The following ASAP2 variants were observed in gnomAD, a reference collection of about 807,000 sequenced individuals.
ASAP2 encodes arf-GAP with SH3 domain, ANK repeat and PH domain-containing protein 2.
A neutral mutation model predicts 131.4 loss-of-function variants in ASAP2; 45 were observed. The observed-to-expected ratio is 0.34, with a 90% CI of 0.27 to 0.44. ASAP2 has a LOEUF of 0.44. Ranked by LOEUF, ASAP2 falls within the 20% of genes least tolerant of loss-of-function variation. The pLI is 1.00. For missense variants in ASAP2, 1,011 were observed against 1,297.0 expected (o/e 0.78, Z 3.39); for synonymous variants, 510 against 503.0 (o/e 1.01, Z -0.19).
intron 1 of ASAP2, among the ~76,000 whole-genome samples, chr2:9,273,523 G>C (rs1024513396): frequency 5.3e-5 from 8 of 152,308 alleles, no homozygotes; most frequent in Middle Eastern, 3.4e-3. Flanking sequence ...AATTCACGCA[G>C]AGCCAGCTGT....
intron 1 of ASAP2, among the ~76,000 whole-genome samples, chr2:9,266,991 A>T (rs143642854): frequency 9.3e-4 from 141 of 152,204 alleles, no homozygotes; most frequent in Middle Eastern, 3.4e-3. Flanking sequence ...TTACTCCTGA[A>T]GTTCACTTTC....
intron 2 of ASAP2, among the ~76,000 whole-genome samples, chr2:9,290,400 G>A (rs1386122602): frequency 1.3e-5 from 2 of 152,020 alleles, no homozygotes; most frequent in African/African-American, 2.4e-5. Context: ...ATTAAAGATT[G>A]GGTTTCGCCC....
intron 1 of ASAP2, among the ~76,000 whole-genome samples, chr2:9,221,790 T>G (rs1662437373): frequency 6.6e-6 from 1 of 152,076 alleles, no homozygotes; most frequent in Non-Finnish European, 1.5e-5. Flanking sequence ...TGAGCACCTT[T>G]TATTTCTTTT....
intron 1 of ASAP2, among the ~76,000 whole-genome samples, chr2:9,212,157 T>A (rs1372434102): frequency 6.6e-6 from 1 of 152,110 alleles, no homozygotes; most frequent in African/African-American, 2.4e-5. Flanking sequence ...AGTCCTTCAG[T>A]GTGCTGGGCT....
chr2:9,216,556 G>T (rs534553104), intron 1 of ASAP2, among the ~76,000 whole-genome samples: 1 of 150,336 alleles, frequency 6.7e-6, no homozygotes. Flanking sequence ...TGCCTCCCAG[G>T]TTCAAGTGAT....
intron 1 of ASAP2, among the ~76,000 whole-genome samples, chr2:9,272,467 C>T (rs1370483765): frequency 6.6e-6 from 1 of 152,208 alleles, no homozygotes; most frequent in African/African-American, 2.4e-5. Context: ...AATTCCTTGT[C>T]AGATGGATAG....
rs541883804 is a variant in ASAP2 at position 9,405,242 on chromosome 2, A to G, written c.*1915A>G. The stretch of plus-strand genomic sequence containing the variant: ...GAGAAATTATATTAACGACCCTGCT[A>G]ATATCCTTTCTTAGTTATTTGCTCC... On this transcript the variant is annotated 3_prime_UTR_variant, in exon 28 of 28. Transcript: ENST00000281419. The G allele has an allele frequency of 1.3e-5, 2 of 152,394 alleles. No homozygotes were observed. Among genetic ancestry groups the G allele is most frequent in the East Asian group, 3.9e-4 (2 of 5,192 alleles). The allele number at this position is 152,394 out of a possible 1,614,324, so 9.4% of individuals were successfully genotyped here.
intron 1 of ASAP2, among the ~76,000 whole-genome samples, chr2:9,258,088 T>C (rs906569747): frequency 1.3e-5 from 2 of 152,284 alleles, no homozygotes; most frequent in Non-Finnish European, 2.9e-5. Context: ...GTACCCTGAC[T>C]TTGGGGTAGG....
intron 3 of ASAP2, among the ~76,000 whole-genome samples, chr2:9,318,136 C>T (rs1433292664): frequency 1.3e-5 from 2 of 152,198 alleles, no homozygotes; most frequent in African/African-American, 4.8e-5. Flanking sequence ...AACCCCAGTA[C>T]AGTCCAGCTT....
chr2:9,214,155 C>G (rs1661810676), intron 1 of ASAP2, among the ~76,000 whole-genome samples: 1 of 152,214 alleles, frequency 6.6e-6, no homozygotes, highest in Non-Finnish European at 1.5e-5. Context: ...ATGAACCTAC[C>G]TCCTTTGCTT....
At chr2:9,263,895 A>G (rs1300010315) in intron 1 of ASAP2, among the ~76,000 whole-genome samples, 1 of 152,092 alleles carries the variant, frequency 6.6e-6, no homozygotes, top group Non-Finnish European at 1.5e-5. Flanking sequence ...TTCCCTTTTA[A>G]AAGTACTGCT....
At chr2:9,297,939 C>G (rs1033923963) in intron 3 of ASAP2, among the ~76,000 whole-genome samples, 1 of 150,204 alleles carries the variant, frequency 6.7e-6, no homozygotes, top group Non-Finnish European at 1.5e-5. Flanking sequence ...AGCAATGCCT[C>G]GGTTTTCAGC....
At chr2:9,342,387 A>C (rs183008773) in intron 9 of ASAP2, among the ~76,000 whole-genome samples, 1 of 152,348 alleles carries the variant, frequency 6.6e-6, no homozygotes, top group East Asian at 1.9e-4. Flanking sequence ...TATTTTTAAC[A>C]AGGGTGCCAA....
intron 3 of ASAP2, among the ~76,000 whole-genome samples, chr2:9,306,269 G>A (rs564746114): frequency 1.2e-3 from 188 of 151,016 alleles, no homozygotes; most frequent in African/African-American, 3.8e-3. Flanking sequence ...GGGGCTGTAG[G>A]GGATAGAGAT....
rs543839571 is a variant in ASAP2, at chr2:9,276,953, A to T, written c.127-2364A>T. 2.6e-5 allele frequency among the ~76,000 whole-genome samples: 4 copies of T among 152,338 alleles called. No homozygotes were observed. In the South Asian group the frequency reaches 8.3e-4, roughly 32 times the overall value. ...TGCTTCCAGAGAGCCTGACAGGCTGACATGGGTGTCTTCCACTGTCTGTGG... is the reference window on the plus strand; with the variant it reads ...TGCTTCCAGAGAGCCTGACAGGCTGTCATGGGTGTCTTCCACTGTCTGTGG... On this transcript the variant is annotated intron_variant, in intron 1 of 27. Transcript: ENST00000281419.
chr2:9,237,003 A>G (rs1226025456), intron 1 of ASAP2, among the ~76,000 whole-genome samples: 1 of 152,156 alleles, frequency 6.6e-6, no homozygotes, highest in Non-Finnish European at 1.5e-5. Context: ...GGGCTAGTGA[A>G]GGCAGGACGA....
intron 3 of ASAP2, among the ~76,000 whole-genome samples, chr2:9,305,248 A>T (rs1668801629): frequency 6.7e-6 from 1 of 149,282 alleles, no homozygotes. Flanking sequence ...TGGGGTATAC[A>T]TATTGGTGGA....
chr2:9,252,642 G>A (rs1051064221), intron 1 of ASAP2, among the ~76,000 whole-genome samples: 11 of 152,084 alleles, frequency 7.2e-5, no homozygotes, highest in African/African-American at 2.4e-4. Flanking sequence ...ACGGCCGGGT[G>A]CAGTGGCTCA....
chr2:9,260,870 C>T (rs1665529965), intron 1 of ASAP2, among the ~76,000 whole-genome samples: 1 of 152,162 alleles, frequency 6.6e-6, no homozygotes, highest in Non-Finnish European at 1.5e-5. Flanking sequence ...ATGACCCTGC[C>T]CCTACTCTAT....
Sources: gnomAD v4.1 joint callset for allele counts (sites outside exome capture counted in the v4.1 genomes callset) on GRCh38, gnomAD v4.1.1 for gene constraint, MANE v1.5 for transcripts, NCBI Gene and HGNC (gene_info 2026-07-23, HGNC 2026-07-21) for gene names.